Variants in OPN1SW observed in about 807,000 individuals in gnomAD.
OPN1SW encodes short-wave-sensitive opsin 1.
In OPN1SW, 25 loss-of-function variants were observed where a neutral mutation model predicts 31.9. That is an observed-to-expected ratio of 0.78 (90% CI 0.57 to 1.09). OPN1SW has a LOEUF of 1.09. OPN1SW is among the 50% of genes least tolerant of loss of function. The probability of loss-of-function intolerance (pLI) is 0.00; values close to 1 mark genes in which losing one functional copy is unlikely to be tolerated. For synonymous variants in OPN1SW, 190 were observed against 171.9 expected (o/e 1.11, Z -0.82); for missense variants, 424 against 448.0 (o/e 0.95, Z 0.48).
In OPN1SW at chr7:128,775,697, A is replaced by G. The variant is rs769883020; in HGVS notation, c.85T>C (p.Trp29Arg). 5.0e-6 allele frequency: 8 copies of G among 1,614,084 alleles called. No homozygotes were observed. The highest frequency in any genetic ancestry group is 2.7e-5 in the African/African-American group (2 of 74,930). ...DGPQYHIAPV[W>R]AFYLQAAFMG... ...AAAGCTGCCTGGAGGTAGAAGGCCC[A>G]GACAGGGGCAATGTGGTACTGAGGC... is the stretch of plus-strand genomic sequence containing the variant. Residue 29 changes from tryptophan (W) to arginine (R), a missense_variant, in exon 1 of 5, where the codon TGG (tryptophan) becomes CGG (arginine). Transcript: ENST00000249389.
Position 128,772,676 on chromosome 7 carries a change from A to G in OPN1SW, c.919-17T>C. The G allele has an allele frequency of 1.2e-6, 2 of 1,614,030 alleles. No homozygotes were observed. The highest frequency in any genetic ancestry group is 4.5e-5 in the East Asian group (2 of 44,884). On this transcript the variant is annotated splice_polypyrimidine_tract_variant and intron_variant, in intron 4 of 4. Transcript: ENST00000249389. Reference sequence around the variant, plus strand: ...AGCTTGGAACTGGAGAGAAAGGTACAATTGGAGATAACCTTGGCAGATGAG... The same window carrying G: ...AGCTTGGAACTGGAGAGAAAGGTACGATTGGAGATAACCTTGGCAGATGAG...
chr7:128,772,729 CTG>C (rs1801637851), intron 4 of OPN1SW, 70 bp from the exon 5 acceptor site: 2 of 1,599,298 alleles, frequency 1.3e-6, no homozygotes, highest in African/African-American at 2.7e-5. Flanking sequence ...ACCTTATTCT[CTG>C]TATCACCAAA....
Position 128,774,972 on chromosome 7 carries a change from C to T in OPN1SW, c.512+14G>A, listed in dbSNP as rs372352221. 20 of 1,613,718 alleles carry T rather than the reference C, an allele frequency of 1.2e-5. No homozygotes were observed. In the African/African-American group the frequency reaches 2.5e-4, roughly 20 times the overall value. The stretch of plus-strand genomic sequence containing the variant: ...GCTCCTAGTTAACTCAGCACCACTG[C>T]CCTGCACTCTCACCGGCTCCAGCCA... On this transcript the variant is annotated intron_variant, in intron 2 of 4. Coordinates refer to ENST00000249389, the MANE Select transcript of OPN1SW (RefSeq NM_001385125.1).
chr7:128,774,662 AC>A lies in OPN1SW; in HGVS notation c.513del (p.Phe172SerfsTer50), dbSNP rs1321127556. The A allele has an allele frequency of 6.2e-7, 1 of 1,613,956 alleles. No homozygotes were observed. Among genetic ancestry groups the A allele is most frequent in the African/African-American group, 1.3e-5 (1 of 74,908 alleles). On this transcript the variant is annotated frameshift_variant and splice_region_variant, in exon 3 of 5. Transcript: ENST00000249389. LOFTEE classifies it high-confidence loss of function. Reference sequence around the variant, plus strand: ...GAACACTGCAGGCCCTCAGGGATGAACCTGCAAAGGACCAAACACTTGCTCA... The same window carrying A: ...GAACACTGCAGGCCCTCAGGGATGAACTGCAAAGGACCAAACACTTGCTCA... ...VSIPPFFGWS[R>X]FIPEGLQCSC... is the part of the protein sequence containing the mutation.
chr7:128,775,496 A>G lies in OPN1SW; in HGVS notation c.286T>C (p.Tyr96His), dbSNP rs1337179258. ...FPVFVASCNG[Y>H]FVFGRHVCAL... ...CAAACATGGCGACCGAAGACGAAGT[A>G]TCCGTTACAGCTGGCGACGAAGACA... The change falls in exon 1 of 5, where the codon TAC becomes CAC. Residue 96 changes from tyrosine (Y) to histidine (H), a missense_variant. Coordinates refer to ENST00000249389, the MANE Select transcript of OPN1SW (RefSeq NM_001385125.1). 1.2e-6 allele frequency: 2 copies of G among 1,613,998 alleles called. No individual in the cohort carries two copies. The highest frequency in any genetic ancestry group is 2.2e-5 in the East Asian group (1 of 44,876).
Position 128,772,803 on chromosome 7 carries a change from C to G in OPN1SW, c.919-144G>C, listed in dbSNP as rs1337946540. 1.9e-5 allele frequency: 21 copies of G among 1,090,544 alleles called. 1 individual carries two copies. In the Admixed American group the frequency reaches 4.1e-4, roughly 21 times the overall value. The allele number at this position is 1,090,544 out of a possible 1,614,324, so 67.6% of individuals were successfully genotyped here. ...GTGGTTTTGAATCTATCTTCCCCAT[C>G]CTGAAAACTATCTAGATTCCAGTCT... On this transcript the variant is annotated intron_variant, in intron 4 of 4. Transcript: ENST00000249389.
rs201497890 is a variant in OPN1SW, at chr7:128,772,646, A to T, written c.932T>A (p.Ile311Asn). Residue 311 changes from isoleucine to asparagine, a missense_variant, in exon 5 of 5, where the codon ATC (isoleucine) becomes AAC (asparagine). Coordinates refer to ENST00000249389, the MANE Select transcript of OPN1SW (RefSeq NM_001385125.1). Reference protein sequence around the residue: ...CFMNKQFQACIMKMVCGKAMT... With the variant: ...CFMNKQFQACNMKMVCGKAMT... ...GGCCTTCCCACACACCATCTTCATG[A>T]TGCAAGCTTGGAACTGGAGAGAAAG... is the stretch of plus-strand genomic sequence containing the variant. 1 of 1,614,158 alleles carries T rather than the reference A, an allele frequency of 6.2e-7. No homozygotes were observed. The highest frequency in any genetic ancestry group is 1.3e-5 in the African/African-American group (1 of 75,048).
At chr7:128,773,608 A>G (rs1801681652) in intron 4 of OPN1SW, 41 bp downstream of exon 4, 1 of 1,613,744 alleles carries the variant, frequency 6.2e-7, no homozygotes, top group Admixed American at 1.7e-5. Context: ...GAAAAGAACC[A>G]GGGTCTTCTG....
intron 4 of OPN1SW, 33 bp downstream of exon 4, chr7:128,773,616 C>G: frequency 6.2e-7 from 1 of 1,614,052 alleles, no homozygotes; most frequent in Non-Finnish European, 8.5e-7. Flanking sequence ...CCAGGGTCTT[C>G]TGGACCATAG....
chr7:128,773,417 A>C lies in OPN1SW; in HGVS notation c.918+232T>G, dbSNP rs537570999. On this transcript the variant is annotated intron_variant, in intron 4 of 4. Coordinates refer to ENST00000249389, the MANE Select transcript of OPN1SW (RefSeq NM_001385125.1). ...TTTCATTCATCCTGTTCTTTGGAGCAACTTCATTTTCCTGACTCAAGTTCT... is the reference window on the plus strand; with the variant it reads ...TTTCATTCATCCTGTTCTTTGGAGCCACTTCATTTTCCTGACTCAAGTTCT... 6.6e-5 allele frequency among the ~76,000 whole-genome samples: 10 copies of C among 152,316 alleles called. No homozygotes were observed. In the South Asian group the frequency reaches 2.1e-3, roughly 32 times the overall value.
chr7:128,774,313 T>C (rs1212856558), intron 3 of OPN1SW, among the ~76,000 whole-genome samples, 185 bp downstream of exon 3: 2 of 152,172 alleles, frequency 1.3e-5, no homozygotes, highest in African/African-American at 4.8e-5. Flanking sequence ...ATTGCCTCTT[T>C]TCTGTCCCAT....
chr7:128,774,921 C>T, intron 2 of OPN1SW, 65 bp downstream of exon 2: 1 of 1,600,716 alleles, frequency 6.2e-7, no homozygotes, highest in Non-Finnish European at 8.5e-7. Flanking sequence ...TATACCCAAG[C>T]TCTCTTTCCA....
At position 128,772,630 on chromosome 7, in the gene OPN1SW, A is replaced by C; in HGVS notation, c.948T>G (p.Cys316Trp). 2 of 1,614,146 alleles carry C rather than the reference A, an allele frequency of 1.2e-6. No homozygotes were observed. Among genetic ancestry groups the C allele is most frequent in the African/African-American group, 1.3e-5 (1 of 75,036 alleles). Residue 316 changes from cysteine to tryptophan, a missense_variant, in exon 5 of 5, where the codon TGT (cysteine) becomes TGG (tryptophan). Coordinates refer to ENST00000249389, the MANE Select transcript of OPN1SW (RefSeq NM_001385125.1). ...CGGATTCATCTGTCATGGCCTTCCC[A>C]CACACCATCTTCATGATGCAAGCTT... ...QFQACIMKMVCGKAMTDESDT... is the reference protein window; with the variant it reads ...QFQACIMKMVWGKAMTDESDT...
rs149847165 is a variant in OPN1SW, at chr7:128,775,481, G to T, written c.301C>A (p.Arg101Ser). The T allele has an allele frequency of 6.2e-6, 10 of 1,613,780 alleles. No homozygotes were observed. The African/African-American group carries it at 1.1e-4, about 17-fold the overall frequency. Residue 101 changes from arginine to serine, a missense_variant, in exon 1 of 5, where the codon CGC (arginine) becomes AGC (serine). Arg to Ser is a moderately radical substitution (Grantham distance 110). Transcript: ENST00000249389. ...AAGCCCTCCAAAGCACAAACATGGC[G>T]ACCGAAGACGAAGTATCCGTTACAG... is the stretch of plus-strand genomic sequence containing the variant. ...ASCNGYFVFG[R>S]HVCALEGFLG...
In OPN1SW at chr7:128,772,619, A is replaced by G; in HGVS notation, c.959T>C (p.Met320Thr). Residue 320 changes from methionine (M) to threonine (T), a missense_variant, in exon 5 of 5, where the codon ATG becomes ACG. Transcript: ENST00000249389. ...GCTGCATGTGTCGGATTCATCTGTCATGGCCTTCCCACACACCATCTTCAT... is the reference window on the plus strand; with the variant it reads ...GCTGCATGTGTCGGATTCATCTGTCGTGGCCTTCCCACACACCATCTTCAT... ...CIMKMVCGKA[M>T]TDESDTCSSQ... 6.2e-7 allele frequency: 1 copy of G among 1,614,154 alleles called. No homozygotes were observed.
At chr7:128,775,256 T>C (rs1801736473) in intron 1 of OPN1SW, 102 bp from the exon 2 acceptor site, 1 of 1,383,432 alleles carries the variant, frequency 7.2e-7, no homozygotes, top group East Asian at 2.4e-5. Context: ...GAGACAGGGC[T>C]GGACTGACAT....
chr7:128,773,241 C>G (rs1801665650), intron 4 of OPN1SW, among the ~76,000 whole-genome samples: 1 of 152,192 alleles, frequency 6.6e-6, no homozygotes, highest in African/African-American at 2.4e-5. Flanking sequence ...TTATTAAATG[C>G]AAGGACTGAA....
intron 2 of OPN1SW, 25 bp from the exon 3 acceptor site, chr7:128,774,688 A>C (rs199940506): frequency 1.2e-6 from 2 of 1,613,890 alleles, no homozygotes; most frequent in East Asian, 4.5e-5. Flanking sequence ...ACACTTGCTC[A>C]CTGGACTCTC....
In OPN1SW at chr7:128,775,638, G is replaced by C; in HGVS notation, c.144C>G (p.Leu48=). 5 of 1,614,162 alleles carry C rather than the reference G, an allele frequency of 3.1e-6. No homozygotes were observed. The highest frequency in any genetic ancestry group is 4.2e-6 in the Non-Finnish European group (5 of 1,180,010). The change falls in exon 1 of 5, where the codon CTC becomes CTG. Residue 48 remains leucine, a synonymous_variant. Transcript: ENST00000249389. The stretch of plus-strand genomic sequence containing the variant: ...GTGTGGCCACCAGCACCATGGCATT[G>C]AGTGGGAACCCTATAAGGAAGACAG... ...MGTVFLIGFP[L]NAMVLVATLR...
Sources: gnomAD v4.1 joint callset for allele counts (sites outside exome capture counted in the v4.1 genomes callset) on GRCh38, gnomAD v4.1.1 for gene constraint, MANE v1.5 for transcripts, NCBI Gene and HGNC (gene_info 2026-07-23, HGNC 2026-07-21) for gene names.